The following CHIC1 variants were observed in gnomAD, a reference collection of about 807,000 sequenced individuals.
The protein encoded by CHIC1 is cysteine-rich hydrophobic domain-containing protein 1.
CHIC1 carries 7 observed loss-of-function variants against 18.5 expected under a neutral mutation model. The ratio of observed to expected loss-of-function variants is 0.38; its 90% CI spans 0.22 to 0.71. The LOEUF is 0.71. Among genes scored for constraint, CHIC1 ranks in the 30% least tolerant of loss-of-function variants. The pLI is 0.49. For missense variants in CHIC1, 159 were observed against 176.9 expected, an observed-to-expected ratio of 0.90 and a Z score of 0.57; for synonymous variants, 77 against 73.5, an observed-to-expected ratio of 1.05 and a Z score of -0.25.
At chrX:73,578,514 A>G (rs1214079794) in intron 2 of CHIC1, among the ~76,000 whole-genome samples, 4 of 110,729 alleles carry the variant, frequency 3.6e-5, no homozygotes, top group Admixed American at 9.6e-5. Context: ...GTACTAGAAT[A>G]ATGGTATTTG....
At chrX:73,673,263 A>G (rs1441319756) in intron 3 of CHIC1, among the ~76,000 whole-genome samples, 2 of 111,620 alleles carry the variant, frequency 1.8e-5, no homozygotes, top group Admixed American at 1.9e-4. Context: ...ACTTTAAAGT[A>G]GTTTTTTCCA....
At chrX:73,671,399 T>C (rs2058029529) in intron 3 of CHIC1, among the ~76,000 whole-genome samples, 1 of 112,230 alleles carries the variant, frequency 8.9e-6, no homozygotes, top group Non-Finnish European at 1.9e-5. Context: ...ATCTCTTCTC[T>C]TCTAGAACTC....
At chrX:73,664,687 C>G (rs1197472291) in intron 3 of CHIC1, among the ~76,000 whole-genome samples, 4 of 111,343 alleles carry the variant, frequency 3.6e-5, no homozygotes, top group African/African-American at 9.8e-5. Context: ...GAATTCAGTC[C>G]CAAGCCCTGA....
At chrX:73,593,010 T>C (rs1361189170) in intron 3 of CHIC1, among the ~76,000 whole-genome samples, 1 of 111,060 alleles carries the variant, frequency 9.0e-6, no homozygotes, top group Non-Finnish European at 1.9e-5. Context: ...TTCATAATAA[T>C]GTCTGAGGAT....
At position 73,577,352 on chromosome X, in the gene CHIC1, G is replaced by A. The variant is rs775576193; in HGVS notation, c.297-55G>A. On this transcript the variant is annotated intron_variant, in intron 1 of 5. Coordinates refer to ENST00000373502, the MANE Select transcript of CHIC1 (RefSeq NM_001039840.4). ...GTTTATAACTTTTTTTTAAAAAAAA[G>A]GGAAGATTTAAGTATGCTGGGTAGA... 41 of 916,237 alleles carry A rather than the reference G, an allele frequency of 4.5e-5. No homozygotes were observed. The African/African-American group carries it at 4.8e-4, about 11-fold the overall frequency. The allele number at this position is 916,237 out of a possible 1,213,427, so 75.5% of individuals were successfully genotyped here.
At chrX:73,617,819 G>A (rs1383667852) in intron 3 of CHIC1, among the ~76,000 whole-genome samples, 1 of 111,405 alleles carries the variant, frequency 9.0e-6, no homozygotes, top group East Asian at 2.8e-4. Flanking sequence ...ATTTGGGTGG[G>A]GACACAGCCA....
chrX:73,629,772 A>G (rs1053427938), intron 3 of CHIC1, among the ~76,000 whole-genome samples: 2 of 111,996 alleles, frequency 1.8e-5, no homozygotes, highest in African/African-American at 6.5e-5. Flanking sequence ...TGGCTATCCA[A>G]GATCTTCTGT....
At chrX:73,590,910 T>C (rs1443375331) in intron 3 of CHIC1, among the ~76,000 whole-genome samples, 1 of 111,722 alleles carries the variant, frequency 9.0e-6, no homozygotes, top group Non-Finnish European at 1.9e-5. Context: ...AAGACTGTTA[T>C]AAACATTCAA....
intron 5 of CHIC1, 146 bp from the exon 6 acceptor site, chrX:73,680,809 T>G (rs1344630130): frequency 3.1e-6 from 1 of 327,224 alleles, no homozygotes; most frequent in Non-Finnish European, 5.2e-6. Flanking sequence ...GTTCTTTACA[T>G]ATTTTTTTCA....
At position 73,686,301 on chromosome X, in the gene CHIC1, A is replaced by G. The variant is rs1435266995; in HGVS notation, c.*5296A>G. On this transcript the variant is annotated 3_prime_UTR_variant, in exon 6 of 6. Coordinates refer to ENST00000373502, the MANE Select transcript of CHIC1 (RefSeq NM_001039840.4). ...GTGTGTGTTTGTGTGTTTTGGCTAT[A>G]TTAGGCTATATAACTTCAGGTTAGA... The G allele has an allele frequency of 4.5e-5, 5 of 111,235 alleles. No homozygotes were observed. Among genetic ancestry groups the G allele is most frequent in the Non-Finnish European group, 9.5e-5 (5 of 52,839 alleles). 9.2% of individuals were successfully genotyped at this position (111,235 alleles called of 1,213,427 possible).
intron 1 of CHIC1, among the ~76,000 whole-genome samples, chrX:73,575,688 CTG>C (rs1044218394): frequency 1.0e-4 from 11 of 107,615 alleles, no homozygotes; most frequent in African/African-American, 3.9e-4. Context: ...AGAAGTTGCT[CTG>C]TGTGAGTGAG....
chrX:73,628,877 TA>T (rs1308274223), intron 3 of CHIC1, among the ~76,000 whole-genome samples: 5 of 111,451 alleles, frequency 4.5e-5, no homozygotes, highest in Non-Finnish European at 9.4e-5. Flanking sequence ...TTTCTCCCAA[TA>T]TTTTTTTAAT....
At chrX:73,593,984 A>G (rs956646234) in intron 3 of CHIC1, among the ~76,000 whole-genome samples, 7 of 111,006 alleles carry the variant, frequency 6.3e-5, no homozygotes, top group Non-Finnish European at 1.3e-4. Flanking sequence ...GACTTTTTGA[A>G]TTGCTGGAGT....
intron 2 of CHIC1, among the ~76,000 whole-genome samples, chrX:73,581,353 AT>A (rs2057526346): frequency 9.0e-6 from 1 of 111,179 alleles, no homozygotes; most frequent in Admixed American, 9.6e-5. Context: ...GCCAAAAGAA[AT>A]GAAATGTTTC....
intron 1 of CHIC1, among the ~76,000 whole-genome samples, chrX:73,565,305 G>T (rs1257204106): frequency 1.8e-5 from 2 of 111,808 alleles, no homozygotes; most frequent in Middle Eastern, 4.6e-3. Context: ...TCAGGCAAAG[G>T]AGAAGGAACA....
chrX:73,574,896 T>C (rs1202750488), intron 1 of CHIC1, among the ~76,000 whole-genome samples: 1 of 109,987 alleles, frequency 9.1e-6, no homozygotes, highest in Non-Finnish European at 1.9e-5. Context: ...CGATTCTTTG[T>C]ATGGATTTTT....
chrX:73,563,351 G>A lies in CHIC1; in HGVS notation c.67G>A (p.Glu23Lys), dbSNP rs1378097400. ...TISELEEEEE[E>K]EAATSSSSPS... is the part of the protein sequence containing the mutation. The stretch of plus-strand genomic sequence containing the variant: ...CTCGGAACTGGAGGAGGAGGAGGAA[G>A]AAGAAGCGGCAACGTCGTCGTCGTC... The change falls in exon 1 of 6, where the codon GAA becomes AAA. Residue 23 changes from glutamate (E) to lysine (K), a missense_variant. Physicochemically the swap from Glu to Lys is moderately conservative, Grantham distance 56. Coordinates refer to ENST00000373502, the MANE Select transcript of CHIC1 (RefSeq NM_001039840.4). 5.2e-6 allele frequency: 6 copies of A among 1,151,942 alleles called. No individual in the cohort carries two copies. The highest frequency in any genetic ancestry group is 3.3e-5 in the East Asian group (1 of 30,065). 94.9% of individuals were successfully genotyped at this position (1,151,942 alleles called of 1,213,427 possible).
At chrX:73,597,264 C>T (rs2057614328) in intron 3 of CHIC1, among the ~76,000 whole-genome samples, 1 of 111,520 alleles carries the variant, frequency 9.0e-6, no homozygotes, top group African/African-American at 3.3e-5. Context: ...TTTTCATTTG[C>T]TTGTTGAACA....
chrX:73,612,732 G>T (rs970022639), intron 3 of CHIC1, among the ~76,000 whole-genome samples: 2 of 112,075 alleles, frequency 1.8e-5, no homozygotes, highest in African/African-American at 6.5e-5. Context: ...CCAACATATG[G>T]TTTATCCTAG....
Sources: gnomAD v4.1 joint callset for allele counts (sites outside exome capture counted in the v4.1 genomes callset) on GRCh38, gnomAD v4.1.1 for gene constraint, MANE v1.5 for transcripts, NCBI Gene and HGNC (gene_info 2026-07-23, HGNC 2026-07-21) for gene names.